The following MAGI2 variants were observed in gnomAD, a reference collection of about 807,000 sequenced individuals.
MAGI2 encodes membrane-associated guanylate kinase, WW and PDZ domain-containing protein 2.
Under a neutral mutation model 133.3 loss-of-function variants are expected in MAGI2, and 35 were observed. The observed-to-expected ratio is 0.26, with a 90% CI of 0.20 to 0.35. The LOEUF (loss-of-function observed/expected upper bound fraction) is 0.35. Among genes scored for constraint, MAGI2 ranks in the 10% least tolerant of loss-of-function variants. The pLI is 1.00. For missense variants in MAGI2, 1,636 were observed against 1,863.4 expected (o/e 0.88, Z 2.25); for synonymous variants, 729 against 710.6 (o/e 1.03, Z -0.41).
intron 16 of MAGI2, among the ~76,000 whole-genome samples, chr7:78,135,549 A>C (rs954331472): frequency 6.6e-6 from 1 of 152,158 alleles, no homozygotes; most frequent in African/African-American, 2.4e-5. Context: ...GAGGACCATG[A>C]ATTTCTAAGA....
chr7:79,230,880 T>A (rs1182149998), intron 1 of MAGI2, among the ~76,000 whole-genome samples: 1 of 141,420 alleles, frequency 7.1e-6, no homozygotes, highest in Non-Finnish European at 1.5e-5. Context: ...GCCTATGTCC[T>A]GAATGGTAAT....
rs568498336 is a variant in MAGI2, at chr7:78,059,726, T to TGAGATGGA, written c.3706+19213_3706+19220dup. Among the ~76,000 whole-genome samples, 29 of 151,856 alleles carry TGAGATGGA rather than the reference T, an allele frequency of 1.9e-4. No homozygotes were observed. The East Asian group carries it at 5.0e-3, about 26-fold the overall frequency. ...TAAGTAAGAATTTTCAGCTCTTTAG[T>TGAGATGGA]GAGATGGAGAGCTCCTCGAGGGAGG... On this transcript the variant is annotated intron_variant, in intron 21 of 21. Coordinates refer to ENST00000354212, the MANE Select transcript of MAGI2 (RefSeq NM_012301.4).
At chr7:78,857,584 T>G (rs940148088) in intron 2 of MAGI2, among the ~76,000 whole-genome samples, 1 of 152,224 alleles carries the variant, frequency 6.6e-6, no homozygotes, top group African/African-American at 2.4e-5. Flanking sequence ...GAACCAGCCT[T>G]GCATCCCAGG....
In MAGI2 at chr7:78,384,828, T is replaced by C. The variant is rs186170110; in HGVS notation, c.1046-15615A>G. 6.6e-4 allele frequency among the ~76,000 whole-genome samples: 100 copies of C among 152,284 alleles called. 1 individual carries two copies. The highest frequency in any genetic ancestry group is 2.3e-3 in the African/African-American group (95 of 41,566). ...CTATTTAATATGCAGCCTTGAAGCA[T>C]TGTTTAATTAAAATGGCACTTAGAC... is the stretch of plus-strand genomic sequence containing the variant. On this transcript the variant is annotated intron_variant, in intron 6 of 21. Transcript: ENST00000354212.
At chr7:78,769,430 T>C (rs1255773887) in intron 2 of MAGI2, among the ~76,000 whole-genome samples, 1 of 152,098 alleles carries the variant, frequency 6.6e-6, no homozygotes, top group Admixed American at 6.6e-5. Flanking sequence ...AAACCTATGA[T>C]TGCCAGAAAG....
At chr7:78,799,010 G>C (rs1293151920) in intron 2 of MAGI2, among the ~76,000 whole-genome samples, 2 of 152,172 alleles carry the variant, frequency 1.3e-5, no homozygotes, top group Admixed American at 6.5e-5. Flanking sequence ...TTTCATTGAT[G>C]ACTGCCATAT....
rs137976755 is a variant in MAGI2 at position 79,216,381 on chromosome 7, A to G, written c.302-209175T>C. On this transcript the variant is annotated intron_variant, in intron 1 of 21. Coordinates refer to ENST00000354212, the MANE Select transcript of MAGI2 (RefSeq NM_012301.4). ...CTGTGTGTGACCTGATTTTTCCTGG[A>G]TGCCAGACAAGGGCTTCGGATACGG... Among the ~76,000 whole-genome samples the G allele has an allele frequency of 3.4e-3, 521 of 151,950 alleles. 3 individuals are homozygous for G. Among genetic ancestry groups the G allele is most frequent in the African/African-American group, 0.012 (497 of 41,348 alleles).
chr7:79,117,218 G>A (rs995121705), intron 1 of MAGI2, among the ~76,000 whole-genome samples: 2 of 152,102 alleles, frequency 1.3e-5, no homozygotes, highest in African/African-American at 4.8e-5. Context: ...GTTAAATTCT[G>A]CAGAGTAGAA....
intron 1 of MAGI2, among the ~76,000 whole-genome samples, chr7:79,351,423 G>A (rs745337630): frequency 2.6e-5 from 4 of 152,028 alleles, no homozygotes; most frequent in African/African-American, 9.7e-5. Context: ...TGCTATTAAC[G>A]AGCATGTTGG....
At chr7:78,338,139 C>T (rs756670761) in intron 9 of MAGI2, among the ~76,000 whole-genome samples, 3 of 152,102 alleles carry the variant, frequency 2.0e-5, no homozygotes, top group Non-Finnish European at 4.4e-5. Flanking sequence ...TCTATACTGT[C>T]TCTGATGTTT....
chr7:78,638,252 C>G (rs1809892026), intron 2 of MAGI2, among the ~76,000 whole-genome samples: 1 of 152,120 alleles, frequency 6.6e-6, no homozygotes, highest in South Asian at 2.1e-4. Flanking sequence ...TAATTACCAA[C>G]AGTACCAAGA....
intron 2 of MAGI2, among the ~76,000 whole-genome samples, chr7:78,708,929 CTCAG>C (rs770168050): frequency 3.2e-4 from 48 of 152,082 alleles, no homozygotes; most frequent in Middle Eastern, 3.4e-3. Context: ...CTTAATATTA[CTCAG>C]TCAAACTCCT....
intron 1 of MAGI2, among the ~76,000 whole-genome samples, chr7:79,290,227 A>T (rs542194867): frequency 2.0e-5 from 3 of 152,126 alleles, no homozygotes; most frequent in East Asian, 3.9e-4. Flanking sequence ...TCCTGTCCTC[A>T]CAGAACTCCT....
intron 5 of MAGI2, among the ~76,000 whole-genome samples, chr7:78,500,733 A>G (rs1794546306): frequency 6.6e-6 from 1 of 152,254 alleles, no homozygotes; most frequent in Admixed American, 6.5e-5. Context: ...AAAAGGGAGC[A>G]TAATGAACTA....
intron 6 of MAGI2, among the ~76,000 whole-genome samples, chr7:78,455,369 C>A (rs142410644): frequency 6.6e-6 from 1 of 151,944 alleles, no homozygotes; most frequent in East Asian, 1.9e-4. Flanking sequence ...GTCATTTTAT[C>A]CTATTAATAG....
At chr7:78,555,195 T>TGGAC (rs1799698569) in intron 3 of MAGI2, among the ~76,000 whole-genome samples, 1 of 72,548 alleles carries the variant, frequency 1.4e-5, no homozygotes, top group African/African-American at 3.7e-5. Flanking sequence ...GACGGTTGGA[T>TGGAC]GGATGGATAG....
chr7:78,189,353 A>T (rs139553219), intron 12 of MAGI2, among the ~76,000 whole-genome samples: 382 of 152,308 alleles, frequency 2.5e-3, no homozygotes, highest in African/African-American at 8.5e-3. Flanking sequence ...CTGGCGTGTG[A>T]TCACTTTTGA....
chr7:78,666,270 G>GA (rs138979830), intron 2 of MAGI2, among the ~76,000 whole-genome samples: 2,328 of 152,168 alleles, frequency 0.015, 67 homozygotes, highest in African/African-American at 0.053. Flanking sequence ...CAAATATGGG[G>GA]TAGGAAAAAT....
At chr7:78,918,049 G>A (rs980147568) in intron 2 of MAGI2, among the ~76,000 whole-genome samples, 1 of 152,086 alleles carries the variant, frequency 6.6e-6, no homozygotes, top group Non-Finnish European at 1.5e-5. Context: ...TTCCTCGAAG[G>A]TGGGTGGCTG....
Sources: allele counts gnomAD v4.1 joint callset (sites outside exome capture counted in the v4.1 genomes callset), GRCh38; gene constraint gnomAD v4.1.1; transcripts MANE v1.5; gene names NCBI Gene and HGNC (gene_info 2026-07-23, HGNC 2026-07-21).